Variants in MRPL30 observed in about 807,000 individuals in gnomAD.
MRPL30 encodes the protein mitochondrial ribosomal protein L30.
In MRPL30, 10 loss-of-function variants were observed where a neutral mutation model predicts 17.2. The ratio of observed to expected loss-of-function variants is 0.58; its 90% CI spans 0.36 to 0.99. The LOEUF is 0.99. Ranked by LOEUF, MRPL30 falls within the 50% of genes least tolerant of loss-of-function variation. The probability of loss-of-function intolerance (pLI) is 0.01; values close to 1 mark genes in which losing one functional copy is unlikely to be tolerated. For synonymous variants in MRPL30, 61 were observed against 62.1 expected (o/e 0.98, Z 0.08); for missense variants, 170 against 189.8 (o/e 0.90, Z 0.61).
At chr2:99,190,396 C>T (rs1308579992) in intron 3 of MRPL30, among the ~76,000 whole-genome samples, 1 of 151,152 alleles carries the variant, frequency 6.6e-6, no homozygotes, top group Non-Finnish European at 1.5e-5. Flanking sequence ...TCTGTATCTA[C>T]AAAAAATTTA....
chr2:99,184,556 G>C (rs1192000955), intron 1 of MRPL30, among the ~76,000 whole-genome samples: 1 of 152,082 alleles, frequency 6.6e-6, no homozygotes, highest in African/African-American at 2.4e-5. Context: ...GAAGATTTTT[G>C]AGCAGAGTGA....
Position 99,186,243 on chromosome 2 carries a change from G to C in MRPL30, c.40G>C (p.Gly14Arg). ...GCGCTTAGTAGTTCAATGGCCCCCAGGCAGACTACAGGTAAGTGTTTCTTT... is the reference window on the plus strand; with the variant it reads ...GCGCTTAGTAGTTCAATGGCCCCCACGCAGACTACAGGTAAGTGTTTCTTT... ...ILRLVVQWPP[G>R]RLQTVTKGVE... The change falls in exon 2 of 6, where the codon GGC (glycine) becomes CGC (arginine). Residue 14 changes from glycine (G) to arginine (R), a missense_variant. Transcript: ENST00000338148. The C allele has an allele frequency of 6.2e-7, 1 of 1,613,986 alleles. No homozygotes were observed. Among genetic ancestry groups the C allele is most frequent in the Non-Finnish European group, 8.5e-7 (1 of 1,179,930 alleles).
Position 99,196,750 on chromosome 2 carries a change from G to A in MRPL30, c.*1045G>A, listed in dbSNP as rs1459570095. 2.0e-5 allele frequency: 3 copies of A among 152,246 alleles called. No homozygotes were observed. The highest frequency in any genetic ancestry group is 4.4e-5 in the Non-Finnish European group (3 of 68,066). 9.4% of individuals were successfully genotyped at this position (152,246 alleles called of 1,614,324 possible). A position where few individuals can be genotyped will look rare whatever the true frequency, so the allele number is the denominator to read the frequency against. Reference sequence around the variant, plus strand: ...CTTACAGTCTGTTCTGGGGAACAGAGATTCAGCCAAAGTCAAGAAACACTG... The same window carrying A: ...CTTACAGTCTGTTCTGGGGAACAGAAATTCAGCCAAAGTCAAGAAACACTG... On this transcript the variant is annotated 3_prime_UTR_variant, in exon 6 of 6. Transcript: ENST00000338148.
intron 5 of MRPL30, 43 bp from the exon 6 acceptor site, chr2:99,195,530 A>G (rs778257625): frequency 3.2e-6 from 5 of 1,572,414 alleles, no homozygotes; most frequent in Non-Finnish European, 4.3e-6. Context: ...ATAGAACGCT[A>G]GAACGTATTC....
chr2:99,195,145 C>G lies in MRPL30; in HGVS notation c.309C>G (p.Ile103Met), dbSNP rs1300837004. 2 of 1,604,714 alleles carry G rather than the reference C, an allele frequency of 1.2e-6. No individual in the cohort carries two copies. Among genetic ancestry groups the G allele is most frequent in the South Asian group, 1.1e-5 (1 of 88,368 alleles). The change falls in exon 5 of 6, where the codon ATC (isoleucine) becomes ATG (methionine). Residue 103 changes from isoleucine to methionine, a missense_variant. By Grantham distance (10) the Ile-to-Met change is conservative. Coordinates refer to ENST00000338148, the MANE Select transcript of MRPL30 (RefSeq NM_145212.4). ...KAHTPQVHKN[I>M]PSVNAKLKVV... ...ATACCCCTCAAGTTCACAAGAATAT[C>G]CCTTCAGTGAATGCAAAATTGAAAG...
At chr2:99,184,569 T>C (rs1040313427) in intron 1 of MRPL30, among the ~76,000 whole-genome samples, 11 of 152,132 alleles carry the variant, frequency 7.2e-5, no homozygotes, top group Admixed American at 5.9e-4. Context: ...CAGAGTGACA[T>C]GATCTAAGAT....
intron 3 of MRPL30, among the ~76,000 whole-genome samples, chr2:99,193,795 T>G (rs1258137801): frequency 6.6e-6 from 1 of 152,090 alleles, no homozygotes; most frequent in African/African-American, 2.4e-5. Context: ...TCCTAGCACT[T>G]TGGGAGGCCA....
At chr2:99,193,286 G>A (rs537971287) in intron 3 of MRPL30, among the ~76,000 whole-genome samples, 84 of 152,176 alleles carry the variant, frequency 5.5e-4, no homozygotes, top group Middle Eastern at 3.2e-3. Context: ...ACTACCTCAT[G>A]CCAGTCAGAG....
intron 3 of MRPL30, among the ~76,000 whole-genome samples, chr2:99,193,844 C>T (rs925745742): frequency 6.6e-6 from 1 of 152,098 alleles, no homozygotes; most frequent in Non-Finnish European, 1.5e-5. Flanking sequence ...CGAGACCAGC[C>T]TGGCCAACAT....
intron 3 of MRPL30, among the ~76,000 whole-genome samples, chr2:99,192,107 G>T (rs1401229725): frequency 1.3e-5 from 2 of 151,888 alleles, no homozygotes; most frequent in Non-Finnish European, 2.9e-5. Context: ...CTTCTTTGTT[G>T]TATGTTTTAT....
intron 3 of MRPL30, among the ~76,000 whole-genome samples, chr2:99,190,323 G>A (rs1003319883): frequency 6.6e-6 from 1 of 152,154 alleles, no homozygotes; most frequent in Non-Finnish European, 1.5e-5. Context: ...ATTTTGGGAG[G>A]CTGAGGCAGG....
At chr2:99,192,749 C>T (rs1245598754) in intron 3 of MRPL30, among the ~76,000 whole-genome samples, 1 of 152,088 alleles carries the variant, frequency 6.6e-6, no homozygotes, top group African/African-American at 2.4e-5. Flanking sequence ...GGGTATATAC[C>T]CAGTAATGGG....
chr2:99,194,037 C>CAA (rs33944983), intron 3 of MRPL30, among the ~76,000 whole-genome samples: 78,897 of 129,768 alleles, frequency 0.61, 23,628 homozygotes, highest in East Asian at 0.88. Context: ...GACTCCATCT[C>CAA]AAAAAAAAAA....
At chr2:99,191,903 T>A (rs575569429) in intron 3 of MRPL30, among the ~76,000 whole-genome samples, 1 of 152,190 alleles carries the variant, frequency 6.6e-6, no homozygotes, top group Non-Finnish European at 1.5e-5. Context: ...CCAAAATATT[T>A]TGTGCTCCTT....
At chr2:99,193,961 C>T (rs1207186160) in intron 3 of MRPL30, among the ~76,000 whole-genome samples, 1 of 149,418 alleles carries the variant, frequency 6.7e-6, no homozygotes, top group Admixed American at 6.8e-5. Flanking sequence ...TCGCTTGAAC[C>T]TTGGGGGCAG....
intron 3 of MRPL30, among the ~76,000 whole-genome samples, chr2:99,192,138 A>C (rs2105247341): frequency 6.6e-6 from 1 of 152,246 alleles, no homozygotes; most frequent in South Asian, 2.1e-4. Flanking sequence ...TAGACTAGTC[A>C]AGTGCAGTAA....
At position 99,197,367 on chromosome 2, in the gene MRPL30, C is replaced by G. The variant is rs534315752; in HGVS notation, c.*1662C>G. 1 of 152,100 alleles carries G rather than the reference C, an allele frequency of 6.6e-6. No individual in the cohort carries two copies. Among genetic ancestry groups the G allele is most frequent in the African/African-American group, 2.4e-5 (1 of 41,390 alleles). The allele number at this position is 152,100 out of a possible 1,614,324, so 9.4% of individuals were successfully genotyped here. On this transcript the variant is annotated 3_prime_UTR_variant, in exon 6 of 6. Coordinates refer to ENST00000338148, the MANE Select transcript of MRPL30 (RefSeq NM_145212.4). ...TGTCGTAGATCTTAATGTTTTTGAT[C>G]GTTGCGTTAAAGTGGAAGTGCCACC...
intron 5 of MRPL30, 106 bp downstream of exon 5, chr2:99,195,295 A>G (rs1370761230): frequency 1.8e-6 from 2 of 1,119,612 alleles, no homozygotes; most frequent in Non-Finnish European, 2.5e-6. Context: ...TTAAAAAACT[A>G]AAATTTTATT....
chr2:99,185,772 A>T (rs1201939347), intron 1 of MRPL30: 2 of 448,616 alleles, frequency 4.5e-6, no homozygotes, highest in Non-Finnish European at 9.0e-6. Context: ...GGAATTCATG[A>T]TCCTCATTCA....
Sources: gnomAD v4.1 joint callset for allele counts (sites outside exome capture counted in the v4.1 genomes callset) on GRCh38, gnomAD v4.1.1 for gene constraint, MANE v1.5 for transcripts, NCBI Gene and HGNC (gene_info 2026-07-23, HGNC 2026-07-21) for gene names.